The following ILDR1 variants were observed in gnomAD, a reference collection of about 807,000 sequenced individuals.
The protein encoded by ILDR1 is immunoglobulin-like domain-containing receptor 1.
In ILDR1, 56 loss-of-function variants were observed where a neutral mutation model predicts 62.4. The ratio of observed to expected loss-of-function variants is 0.90; its 90% CI spans 0.72 to 1.12. The LOEUF (loss-of-function observed/expected upper bound fraction) is 1.12, where lower values mean the gene tolerates loss of function less well. Ranked by LOEUF, ILDR1 falls within the 50% of genes most tolerant of loss-of-function variation. The pLI is 0.00. For synonymous variants in ILDR1, 284 were observed against 277.8 expected, an observed-to-expected ratio of 1.02 and a Z score of -0.22; for missense variants, 736 against 710.6, an observed-to-expected ratio of 1.04 and a Z score of -0.41.
At chr3:122,005,940 A>G (rs535685449) in intron 2 of ILDR1, among the ~76,000 whole-genome samples, 6 of 149,952 alleles carry the variant, frequency 4.0e-5, no homozygotes. Flanking sequence ...AACAAACAAA[A>G]AAAAAACCAA....
the ILDR1 span, among the ~76,000 whole-genome samples, chr3:122,035,922 G>A: frequency 6.6e-6 from 1 of 152,214 alleles, no homozygotes; most frequent in East Asian, 1.9e-4. Context: ...GAACAGTTTG[G>A]AGGGCTCAGA....
At chr3:122,007,816 G>A (rs998538864) in intron 1 of ILDR1, among the ~76,000 whole-genome samples, 17 of 152,136 alleles carry the variant, frequency 1.1e-4, no homozygotes, top group African/African-American at 3.9e-4. Flanking sequence ...TTCTACTTCT[G>A]TCTACCCCAT....
At chr3:122,019,611 A>G (rs1249132449) in intron 1 of ILDR1, among the ~76,000 whole-genome samples, 1 of 152,100 alleles carries the variant, frequency 6.6e-6, no homozygotes, top group Non-Finnish European at 1.5e-5. Context: ...ACACACACCT[A>G]CTTCTGACAA....
At chr3:122,032,587 A>AT in the ILDR1 span, among the ~76,000 whole-genome samples, 1 of 152,304 alleles carries the variant, frequency 6.6e-6, no homozygotes, top group Non-Finnish European at 1.5e-5. Flanking sequence ...GACTAAATCC[A>AT]TGACCCTCAA....
chr3:122,022,185 T>A lies in ILDR1; in HGVS notation c.-108A>T, dbSNP rs773402425. The A allele has an allele frequency of 3.0e-6, 3 of 988,364 alleles. No homozygotes were observed. The highest frequency in any genetic ancestry group is 4.5e-6 in the Non-Finnish European group (3 of 666,070). 61.2% of individuals were successfully genotyped at this position (988,364 alleles called of 1,614,324 possible). On this transcript the variant is annotated 5_prime_UTR_variant, in exon 1 of 8. Transcript: ENST00000344209. ...CACCTTCTCCAAGGAACCCCTCGGGTTTCCCCTCCCTCGGCGCAGCGGGGA... is the reference window on the plus strand; with the variant it reads ...CACCTTCTCCAAGGAACCCCTCGGGATTCCCCTCCCTCGGCGCAGCGGGGA...
At chr3:122,055,988 T>A in the ILDR1 span, among the ~76,000 whole-genome samples, 3 of 151,944 alleles carry the variant, frequency 2.0e-5, no homozygotes, top group Non-Finnish European at 2.9e-5. Flanking sequence ...CCATGGGAGA[T>A]TCTGGGCAGG....
At chr3:122,023,669 C>T (rs1190572324), upstream of ILDR1, among the ~76,000 whole-genome samples, 1 of 152,170 alleles carries the variant, frequency 6.6e-6, no homozygotes, top group Non-Finnish European at 1.5e-5. Context: ...CTGGATCTGA[C>T]TTCTCTTTTC....
At chr3:122,020,231 A>C (rs1273465218) in intron 1 of ILDR1, among the ~76,000 whole-genome samples, 1 of 152,212 alleles carries the variant, frequency 6.6e-6, no homozygotes, top group Non-Finnish European at 1.5e-5. Flanking sequence ...CACTTTGTTC[A>C]GGCACTCTAT....
Position 121,988,342 on chromosome 3 carries a change from A to G in ILDR1, c.*25T>C. ...GACACACAGGAGCCGAGAAGTAGCC[A>G]CAGAAGTTGTGCTGTGCTTGGTGAC... On this transcript the variant is annotated 3_prime_UTR_variant, in exon 8 of 8. Coordinates refer to ENST00000344209, the MANE Select transcript of ILDR1 (RefSeq NM_001199799.2). 1 of 1,607,650 alleles carries G rather than the reference A, an allele frequency of 6.2e-7. No individual in the cohort carries two copies. Among genetic ancestry groups the G allele is most frequent in the Non-Finnish European group, 8.5e-7 (1 of 1,174,160 alleles).
chr3:122,018,800 AG>A (rs1350965949), intron 1 of ILDR1, among the ~76,000 whole-genome samples: 2 of 152,192 alleles, frequency 1.3e-5, no homozygotes, highest in Non-Finnish European at 2.9e-5. Flanking sequence ...CAAGGAGACA[AG>A]GGAGCAGCTG....
intron 1 of ILDR1, among the ~76,000 whole-genome samples, chr3:122,021,746 C>G (rs1175641369): frequency 6.6e-6 from 1 of 152,258 alleles, no homozygotes; most frequent in Non-Finnish European, 1.5e-5. Flanking sequence ...AGATCAAGAA[C>G]TGCCTAATGA....
At chr3:122,058,465 G>A in the ILDR1 span, among the ~76,000 whole-genome samples, 16 of 152,194 alleles carry the variant, frequency 1.1e-4, no homozygotes, top group Non-Finnish European at 1.9e-4. Flanking sequence ...GAGAGCAGAT[G>A]ACTCAGAGCT....
intron 1 of ILDR1, among the ~76,000 whole-genome samples, chr3:122,018,322 A>T (rs1459333213): frequency 1.3e-5 from 2 of 148,900 alleles, no homozygotes; most frequent in African/African-American, 4.9e-5. Context: ...GTTCTCACTC[A>T]TAAGTGGGAG....
Position 121,988,244 on chromosome 3 carries a change from A to G in ILDR1, c.*123T>C. 1.2e-6 allele frequency: 1 copy of G among 822,152 alleles called. No homozygotes were observed. The highest frequency in any genetic ancestry group is 2.1e-6 in the Non-Finnish European group (1 of 468,004). The allele number at this position is 822,152 out of a possible 1,614,324, so 50.9% of individuals were successfully genotyped here. On this transcript the variant is annotated 3_prime_UTR_variant, in exon 8 of 8. Transcript: ENST00000344209. Reference sequence around the variant, plus strand: ...TTTAAAATTCTTCTATTTGATTCTCAGAATCTAAGCCAAAAACTGTTAGAC... The same window carrying G: ...TTTAAAATTCTTCTATTTGATTCTCGGAATCTAAGCCAAAAACTGTTAGAC...
At chr3:122,043,237 G>T in the ILDR1 span, among the ~76,000 whole-genome samples, 1 of 149,696 alleles carries the variant, frequency 6.7e-6, no homozygotes, top group South Asian at 2.2e-4. Flanking sequence ...GATATGCGGC[G>T]TTATTTCTGA....
chr3:122,031,498 A>C, the ILDR1 span, among the ~76,000 whole-genome samples: 1 of 152,130 alleles, frequency 6.6e-6, no homozygotes, highest in Non-Finnish European at 1.5e-5. Context: ...GAGACTGAAT[A>C]TTTCTGTGCC....
At chr3:122,005,962 T>C (rs1180572707) in intron 2 of ILDR1, among the ~76,000 whole-genome samples, 1 of 151,554 alleles carries the variant, frequency 6.6e-6, no homozygotes, top group East Asian at 1.9e-4. Context: ...ACAGAAAATA[T>C]AGGGTCTGAG....
intron 1 of ILDR1, among the ~76,000 whole-genome samples, chr3:122,015,553 T>C (rs1223346411): frequency 6.6e-6 from 1 of 152,178 alleles, no homozygotes; most frequent in Non-Finnish European, 1.5e-5. Flanking sequence ...CAAGATCCAG[T>C]GGTTTTATAA....
the ILDR1 span, among the ~76,000 whole-genome samples, chr3:122,051,398 G>C: frequency 2.0e-5 from 3 of 151,848 alleles, no homozygotes; most frequent in Non-Finnish European, 1.5e-5. Context: ...TCTTCTGCTT[G>C]ATCAAGTCTG....
Sources: allele counts gnomAD v4.1 joint callset (sites outside exome capture counted in the v4.1 genomes callset), GRCh38; gene constraint gnomAD v4.1.1; transcripts MANE v1.5; gene names NCBI Gene and HGNC (gene_info 2026-07-23, HGNC 2026-07-21).